The following CDC73 variants were observed in gnomAD, a reference collection of about 807,000 sequenced individuals.
CDC73 encodes the protein parafibromin.
Under a neutral mutation model 83.7 loss-of-function variants are expected in CDC73, and 21 were observed. The observed-to-expected ratio is 0.25, with a 90% CI of 0.18 to 0.36. The LOEUF is 0.36. CDC73 is among the 10% of genes least tolerant of loss of function. CDC73 has a pLI of 1.00. For synonymous variants in CDC73, 224 were observed against 212.9 expected (o/e 1.05, Z -0.45); for missense variants, 342 against 653.3 (o/e 0.52, Z 5.19).
At chr1:193,195,632 C>T (rs895379215) in intron 10 of CDC73, among the ~76,000 whole-genome samples, 2 of 152,096 alleles carry the variant, frequency 1.3e-5, no homozygotes, top group African/African-American at 4.8e-5. Context: ...GTAAGAATTC[C>T]AATTTCTCCA....
intron 13 of CDC73, among the ~76,000 whole-genome samples, chr1:193,217,476 G>T (rs1200686379): frequency 6.6e-6 from 1 of 152,046 alleles, no homozygotes. Context: ...CTGGAGTCCA[G>T]CCGCTGTGGC....
At chr1:193,166,586 A>G in intron 10 of CDC73, among the ~76,000 whole-genome samples, 1 of 152,210 alleles carries the variant, frequency 6.6e-6, no homozygotes. Context: ...GCCGATAGAC[A>G]AAACCACGGA....
chr1:193,177,387 G>A (rs561562108), intron 10 of CDC73, among the ~76,000 whole-genome samples: 30 of 124,474 alleles, frequency 2.4e-4, no homozygotes, highest in African/African-American at 6.8e-4. Context: ...AAAATCAGCC[G>A]GGCGCGGTGG....
In CDC73 at chr1:193,232,852, A is replaced by T. The variant is rs1677684463; in HGVS notation, c.1155-141A>T. The T allele has an allele frequency of 1.4e-5, 9 of 653,580 alleles. No individual in the cohort carries two copies. The South Asian group carries it at 1.6e-4, about 12-fold the overall frequency. The allele number at this position is 653,580 out of a possible 1,614,324, so 40.5% of individuals were successfully genotyped here. A position where few individuals can be genotyped will look rare whatever the true frequency, so the allele number is the denominator to read the frequency against. On this transcript the variant is annotated intron_variant, in intron 13 of 16. Transcript: ENST00000367435. ...CAGAAGGTGGAGGTTGCAGTGAGCCAAGATTGCACCACTGCACTCTAGCCT... is the reference window on the plus strand; with the variant it reads ...CAGAAGGTGGAGGTTGCAGTGAGCCTAGATTGCACCACTGCACTCTAGCCT...
At chr1:193,234,955 G>A (rs1572216858) in intron 14 of CDC73, among the ~76,000 whole-genome samples, 1 of 151,952 alleles carries the variant, frequency 6.6e-6, no homozygotes, top group East Asian at 1.9e-4. Context: ...GAGATTTTGA[G>A]CAGGTTGAGA....
chr1:193,241,831 C>T (rs1210284581), intron 15 of CDC73, among the ~76,000 whole-genome samples: 2 of 152,178 alleles, frequency 1.3e-5, no homozygotes, highest in Non-Finnish European at 2.9e-5. Context: ...GTTGGCCTGT[C>T]CTCAGGCCTC....
In CDC73 at chr1:193,122,134, G is replaced by C. The variant is rs1675459170; in HGVS notation, c.-67G>C. ...GAGGAGGAAGAGGGCGAGGCGACAA[G>C]AGAAGAAGGAGGCAGGCGCGGCGGC... is the stretch of plus-strand genomic sequence containing the variant. On this transcript the variant is annotated 5_prime_UTR_variant, in exon 1 of 17. Transcript: ENST00000367435. 1 of 1,520,658 alleles carries C rather than the reference G, an allele frequency of 6.6e-7. No homozygotes were observed. The highest frequency in any genetic ancestry group is 2.3e-5 in the East Asian group (1 of 44,262). 94.2% of individuals were successfully genotyped at this position (1,520,658 alleles called of 1,614,324 possible).
Position 193,252,140 on chromosome 1 carries a change from A to G in CDC73, c.*1428A>G. ...ACTAGAAAAGATATTTATTCACATG[A>G]TATTTACAAGGCTCTTCAGAAGGGA... On this transcript the variant is annotated 3_prime_UTR_variant, in exon 17 of 17. Transcript: ENST00000367435. The G allele has an allele frequency of 4.3e-6, 1 of 231,100 alleles. No homozygotes were observed. The highest frequency in any genetic ancestry group is 2.2e-5 in the African/African-American group (1 of 45,366). The allele number at this position is 231,100 out of a possible 1,614,324, so 14.3% of individuals were successfully genotyped here.
chr1:193,159,281 C>T (rs1676266144), intron 10 of CDC73, among the ~76,000 whole-genome samples: 1 of 152,150 alleles, frequency 6.6e-6, no homozygotes, highest in South Asian at 2.1e-4. Flanking sequence ...GGTATAACTT[C>T]CTTAGGGATT....
At chr1:193,174,916 T>G (rs374036384) in intron 10 of CDC73, among the ~76,000 whole-genome samples, 5 of 152,272 alleles carry the variant, frequency 3.3e-5, no homozygotes, top group Non-Finnish European at 5.9e-5. Context: ...GAAAATGCTT[T>G]AAACGAAAAG....
At chr1:193,146,498 C>T (rs1167481275) in intron 7 of CDC73, among the ~76,000 whole-genome samples, 1 of 152,000 alleles carries the variant, frequency 6.6e-6, no homozygotes, top group East Asian at 1.9e-4. Flanking sequence ...AGCAAGCAAG[C>T]AAGCAAGCAA....
chr1:193,176,985 A>C (rs1014022175), intron 10 of CDC73, among the ~76,000 whole-genome samples: 1 of 152,164 alleles, frequency 6.6e-6, no homozygotes, highest in Non-Finnish European at 1.5e-5. Context: ...ACCATTAAAC[A>C]ACAACTGGAA....
chr1:193,173,063 C>T (rs1676545413), intron 10 of CDC73, among the ~76,000 whole-genome samples: 1 of 152,162 alleles, frequency 6.6e-6, no homozygotes, highest in Non-Finnish European at 1.5e-5. Context: ...ACATTGCACA[C>T]TCATCAAGTC....
At chr1:193,202,325 T>A (rs1677105559) in intron 10 of CDC73, among the ~76,000 whole-genome samples, 1 of 148,656 alleles carries the variant, frequency 6.7e-6, no homozygotes, top group Admixed American at 7.0e-5. Flanking sequence ...AACATGAACT[T>A]AGAGACAAAT....
chr1:193,126,296 A>G (rs892639126), intron 2 of CDC73, among the ~76,000 whole-genome samples: 5 of 152,208 alleles, frequency 3.3e-5, no homozygotes, highest in Admixed American at 3.3e-4. Flanking sequence ...ACTCTGGAGA[A>G]GTTCATTTGT....
At chr1:193,198,361 A>G (rs1173917172) in intron 10 of CDC73, among the ~76,000 whole-genome samples, 2 of 152,242 alleles carry the variant, frequency 1.3e-5, no homozygotes, top group African/African-American at 4.8e-5. Flanking sequence ...TGGTCTTTAC[A>G]AATGAATTAA....
intron 13 of CDC73, among the ~76,000 whole-genome samples, chr1:193,229,806 A>G (rs1366656841): frequency 6.6e-6 from 1 of 152,270 alleles, no homozygotes; most frequent in African/African-American, 2.4e-5. Context: ...GCCAGGTACA[A>G]AATAATACAT....
chr1:193,167,560 G>A (rs1031673047), intron 10 of CDC73, among the ~76,000 whole-genome samples: 2 of 152,102 alleles, frequency 1.3e-5, no homozygotes, highest in African/African-American at 4.8e-5. Flanking sequence ...ATTTTTGACT[G>A]CTTTAATCAA....
intron 2 of CDC73, among the ~76,000 whole-genome samples, chr1:193,129,729 T>C (rs961232846): frequency 3.3e-5 from 5 of 151,904 alleles, no homozygotes; most frequent in Non-Finnish European, 7.4e-5. Flanking sequence ...GCCAGGCTGG[T>C]CTTTAACTCC....
Sources: allele counts gnomAD v4.1 joint callset (sites outside exome capture counted in the v4.1 genomes callset), GRCh38; gene constraint gnomAD v4.1.1; transcripts MANE v1.5; gene names NCBI Gene and HGNC (gene_info 2026-07-23, HGNC 2026-07-21).